SAMMSON: variants seen among roughly 807,000 people sequenced by gnomAD.
SAMMSON encodes the protein long intergenic non-protein coding RNA 1212.
intron 1 of SAMMSON, among the ~76,000 whole-genome samples, chr3:70,005,085 T>C (rs1281748430): frequency 6.6e-6 from 1 of 152,162 alleles, no homozygotes. Flanking sequence ...AATGTTTCAG[T>C]AAGAGGAGAT....
At chr3:70,218,765 ATTC>A (rs1316895949) in intron 4 of SAMMSON, among the ~76,000 whole-genome samples, 1 of 152,142 alleles carries the variant, frequency 6.6e-6, no homozygotes. Context: ...AGAAAAAAAA[ATTC>A]TTCAGCATTT....
chr3:70,064,719 C>T (rs1192031050), intron 3 of SAMMSON, among the ~76,000 whole-genome samples: 1 of 152,062 alleles, frequency 6.6e-6, no homozygotes, highest in Non-Finnish European at 1.5e-5. Context: ...GCCAAGAAGT[C>T]ATGGCGCGTC....
chr3:70,275,509 C>A (rs1444348729), intron 6 of SAMMSON, among the ~76,000 whole-genome samples: 1 of 152,030 alleles, frequency 6.6e-6, no homozygotes, highest in African/African-American at 2.4e-5. Context: ...AAAGCAAGAC[C>A]CTGTCTCAAA....
At chr3:70,075,400 T>A (rs187584411) in intron 4 of SAMMSON, 5 of 152,266 alleles carry the variant, frequency 3.3e-5, no homozygotes, top group Admixed American at 3.3e-4. Context: ...ATTGTATATC[T>A]AATGTTAGTG....
chr3:70,101,715 C>T (rs1293453567), intron 4 of SAMMSON, among the ~76,000 whole-genome samples: 1 of 152,148 alleles, frequency 6.6e-6, no homozygotes, highest in Admixed American at 6.5e-5. Flanking sequence ...TCCGTGGTTG[C>T]ATTTTGTCCC....
intron 1 of SAMMSON, among the ~76,000 whole-genome samples, chr3:70,010,326 T>C (rs2066948505): frequency 6.6e-6 from 1 of 152,146 alleles, no homozygotes; most frequent in African/African-American, 2.4e-5. Flanking sequence ...GGTGCTCCTG[T>C]ATTGGGTGCA....
At chr3:70,003,384 C>T (rs879905294) in intron 1 of SAMMSON, among the ~76,000 whole-genome samples, 12 of 151,632 alleles carry the variant, frequency 7.9e-5, no homozygotes, top group Admixed American at 4.6e-4. Context: ...TAGCCTATCC[C>T]CTCTTCTTTT....
intron 2 of SAMMSON, among the ~76,000 whole-genome samples, chr3:70,398,726 C>T (rs1347643312): frequency 6.6e-5 from 10 of 152,104 alleles, no homozygotes; most frequent in Admixed American, 5.9e-4. Context: ...CTTCATCAAC[C>T]AGATAGGGAG....
chr3:70,044,234 T>A, intron 3 of SAMMSON, among the ~76,000 whole-genome samples: 1 of 152,090 alleles, frequency 6.6e-6, no homozygotes, highest in Non-Finnish European at 1.5e-5. Flanking sequence ...CTCATTAGTC[T>A]GAGCTCTGGA....
chr3:70,282,750 C>T (rs868839453), intron 6 of SAMMSON, among the ~76,000 whole-genome samples: 9 of 152,142 alleles, frequency 5.9e-5, no homozygotes, highest in Admixed American at 6.6e-5. Context: ...TTACCACAGA[C>T]TTGTTACTTT....
intron 4 of SAMMSON, among the ~76,000 whole-genome samples, chr3:70,075,947 C>T (rs1465157512): frequency 1.4e-5 from 2 of 147,540 alleles, no homozygotes; most frequent in African/African-American, 2.5e-5. Flanking sequence ...AACACCATAA[C>T]TTTACCCATA....
intron 4 of SAMMSON, among the ~76,000 whole-genome samples, chr3:70,151,227 G>T (rs540943578): frequency 6.6e-6 from 1 of 152,134 alleles, no homozygotes; most frequent in African/African-American, 2.4e-5. Flanking sequence ...AGGGGAAGAA[G>T]TTGGGGTTAT....
At chr3:70,044,740 T>C (rs1322902807) in intron 3 of SAMMSON, among the ~76,000 whole-genome samples, 2 of 151,566 alleles carry the variant, frequency 1.3e-5, no homozygotes, top group African/African-American at 4.8e-5. Flanking sequence ...GTAGCATTGA[T>C]ATACTTACAA....
At chr3:70,051,396 A>G (rs1306786466) in intron 3 of SAMMSON, among the ~76,000 whole-genome samples, 1 of 147,952 alleles carries the variant, frequency 6.8e-6, no homozygotes, top group African/African-American at 2.5e-5. Flanking sequence ...GAAATCATAT[A>G]TAAATATTTA....
intron 4 of SAMMSON, among the ~76,000 whole-genome samples, chr3:70,135,014 T>C (rs2067499960): frequency 2.0e-5 from 3 of 152,206 alleles, no homozygotes. Context: ...ATTGAATTTG[T>C]ATTTTTATCT....
chr3:70,060,465 CTT>C (rs1434653452), intron 3 of SAMMSON, among the ~76,000 whole-genome samples: 5 of 152,124 alleles, frequency 3.3e-5, no homozygotes, highest in African/African-American at 9.7e-5. Flanking sequence ...TATACAATAA[CTT>C]TTAGTCAGGA....
intron 4 of SAMMSON, among the ~76,000 whole-genome samples, chr3:70,131,613 G>T (rs903968355): frequency 6.6e-6 from 1 of 152,076 alleles, no homozygotes; most frequent in African/African-American, 2.4e-5. Context: ...AAAATAGAGG[G>T]TTTCGCTTTG....
intron 4 of SAMMSON, among the ~76,000 whole-genome samples, chr3:70,223,304 C>CT (rs1701476405): frequency 2.6e-5 from 4 of 152,032 alleles, no homozygotes; most frequent in Admixed American, 6.6e-5. Context: ...ACTCAACTCA[C>CT]TTTTTTTTCT....
At chr3:70,274,100 CAT>C (rs1701999938) in intron 6 of SAMMSON, among the ~76,000 whole-genome samples, 2 of 123,796 alleles carry the variant, frequency 1.6e-5, no homozygotes, top group South Asian at 5.7e-4. Flanking sequence ...TGCGCGCGCG[CAT>C]GTGTGTGTGT....
Sources: allele counts gnomAD v4.1 joint callset (sites outside exome capture counted in the v4.1 genomes callset), GRCh38; gene constraint gnomAD v4.1.1; transcripts MANE v1.5; gene names NCBI Gene and HGNC (gene_info 2026-07-23, HGNC 2026-07-21).